Variants in KLHL20 observed in about 807,000 individuals in gnomAD.
KLHL20 encodes the protein kelch-like protein 20.
In KLHL20, 29 loss-of-function variants were observed where a neutral mutation model predicts 69.5. The ratio of observed to expected loss-of-function variants is 0.42; its 90% CI spans 0.31 to 0.57. The LOEUF is 0.57. Ranked by LOEUF, KLHL20 falls within the 20% of genes least tolerant of loss-of-function variation. The pLI is 0.18. For synonymous variants in KLHL20, 253 were observed against 265.2 expected, an observed-to-expected ratio of 0.95 and a Z score of 0.45; for missense variants, 419 against 776.0, an observed-to-expected ratio of 0.54 and a Z score of 5.47.
chr1:173,720,705 A>T (rs991840987), intron 2 of KLHL20, among the ~76,000 whole-genome samples: 1 of 152,184 alleles, frequency 6.6e-6, no homozygotes, highest in South Asian at 2.1e-4. Flanking sequence ...GAGAGCTTGT[A>T]TAATAGTAAA....
At chr1:173,777,704 G>A (rs777376917) in intron 10 of KLHL20, among the ~76,000 whole-genome samples, 12 of 152,190 alleles carry the variant, frequency 7.9e-5, no homozygotes, top group Non-Finnish European at 1.6e-4. Context: ...TTGATATGAT[G>A]TACCACACTG....
At chr1:173,730,203 C>T (rs1232662406) in intron 2 of KLHL20, among the ~76,000 whole-genome samples, 1 of 152,050 alleles carries the variant, frequency 6.6e-6, no homozygotes, top group Non-Finnish European at 1.5e-5. Context: ...CAAACCACTG[C>T]TCAATGAAAT....
chr1:173,766,343 T>G (rs1200456062), intron 8 of KLHL20, 54 bp downstream of exon 8: 3 of 1,465,398 alleles, frequency 2.0e-6, no homozygotes, highest in Non-Finnish European at 2.7e-6. Context: ...AACATAGAGC[T>G]CTTTAAAAGA....
In KLHL20 at chr1:173,767,595, A is replaced by G. The variant is rs552079877; in HGVS notation, c.1295+1306A>G. ...TAGTAGCCATTCTAACAGGTGTGAC[A>G]TGGTATTTCATTGTGATTTTAATTT... On this transcript the variant is annotated intron_variant, in intron 8 of 11. Coordinates refer to ENST00000209884, the MANE Select transcript of KLHL20 (RefSeq NM_014458.4). 2.0e-3 allele frequency among the ~76,000 whole-genome samples: 298 copies of G among 152,218 alleles called. 1 individual carries two copies. Among genetic ancestry groups the G allele is most frequent in the African/African-American group, 6.7e-3 (278 of 41,534 alleles).
At chr1:173,767,985 G>A (rs1306113877) in intron 8 of KLHL20, among the ~76,000 whole-genome samples, 1 of 152,076 alleles carries the variant, frequency 6.6e-6, no homozygotes, top group East Asian at 1.9e-4. Flanking sequence ...ACATTGAAAT[G>A]TTAGAAATGT....
intron 2 of KLHL20, among the ~76,000 whole-genome samples, chr1:173,726,194 G>C (rs1205295476): frequency 6.6e-6 from 1 of 152,164 alleles, no homozygotes; most frequent in African/African-American, 2.4e-5. Flanking sequence ...CAGCGAGGCT[G>C]GGGGAGGGGC....
At chr1:173,726,474 A>G (rs561833234) in intron 2 of KLHL20, among the ~76,000 whole-genome samples, 7 of 152,322 alleles carry the variant, frequency 4.6e-5, no homozygotes, top group Non-Finnish European at 1.0e-4. Flanking sequence ...CTGACCCCCA[A>G]GTAGCTTAAC....
chr1:173,779,716 C>G (rs1648728711), intron 10 of KLHL20, among the ~76,000 whole-genome samples: 2 of 152,116 alleles, frequency 1.3e-5, no homozygotes, highest in Admixed American at 1.3e-4. Context: ...ACTACCTTAT[C>G]TAAATTAATA....
chr1:173,716,348 T>C (rs1671470771), intron 2 of KLHL20, among the ~76,000 whole-genome samples: 1 of 152,184 alleles, frequency 6.6e-6, no homozygotes, highest in Admixed American at 6.5e-5. Flanking sequence ...TTCATTATGA[T>C]ACTATATGGA....
At chr1:173,776,096 G>A (rs1406593305) in intron 10 of KLHL20, among the ~76,000 whole-genome samples, 1 of 152,142 alleles carries the variant, frequency 6.6e-6, no homozygotes, top group African/African-American at 2.4e-5. Flanking sequence ...ATCAGCAATC[G>A]TTATGGCCTG....
intron 2 of KLHL20, among the ~76,000 whole-genome samples, chr1:173,726,035 G>A (rs2102459185): frequency 6.6e-6 from 1 of 152,244 alleles, no homozygotes; most frequent in Admixed American, 6.5e-5. Context: ...GGAAAATCGG[G>A]TCACTCCTAC....
chr1:173,730,890 A>C (rs1298686143), intron 2 of KLHL20, among the ~76,000 whole-genome samples: 2 of 152,204 alleles, frequency 1.3e-5, no homozygotes, highest in Non-Finnish European at 2.9e-5. Context: ...TAAACTAAAG[A>C]GCTTCTGCAC....
At chr1:173,734,423 C>T (rs1672431560) in intron 3 of KLHL20, 137 bp downstream of exon 3, 1 of 779,730 alleles carries the variant, frequency 1.3e-6, no homozygotes, top group South Asian at 1.7e-5. Flanking sequence ...ATTATAAATC[C>T]TAAACCTGGC....
intron 5 of KLHL20, among the ~76,000 whole-genome samples, chr1:173,754,992 C>T (rs1479870693): frequency 6.6e-6 from 1 of 151,346 alleles, no homozygotes; most frequent in Non-Finnish European, 1.5e-5. Context: ...AATATTATAG[C>T]TCTATAGTAT....
intron 7 of KLHL20, among the ~76,000 whole-genome samples, chr1:173,762,950 A>G (rs1440668991): frequency 6.6e-6 from 1 of 152,210 alleles, no homozygotes; most frequent in African/African-American, 2.4e-5. Flanking sequence ...CTGTTTGCTG[A>G]TGATATGATT....
At chr1:173,722,466 T>C (rs1308217916) in intron 2 of KLHL20, among the ~76,000 whole-genome samples, 1 of 151,684 alleles carries the variant, frequency 6.6e-6, no homozygotes, top group African/African-American at 2.4e-5. Flanking sequence ...TACCAAAAAA[T>C]TAAAATTAAG....
intron 9 of KLHL20, 45 bp downstream of exon 9, chr1:173,774,483 T>G: frequency 6.2e-7 from 1 of 1,609,468 alleles, no homozygotes. Context: ...AAGCAGAACA[T>G]TTTCCTGGAG....
At position 173,785,383 on chromosome 1, in the gene KLHL20, A is replaced by G. The variant is rs1363551751; in HGVS notation, c.*136A>G. ...CCTCAACAAATGGAAATACAATCCAATGAAAGTACTTCACCTGCAAGATGC... is the reference window on the plus strand; with the variant it reads ...CCTCAACAAATGGAAATACAATCCAGTGAAAGTACTTCACCTGCAAGATGC... On this transcript the variant is annotated 3_prime_UTR_variant, in exon 12 of 12. Coordinates refer to ENST00000209884, the MANE Select transcript of KLHL20 (RefSeq NM_014458.4). 5 of 449,626 alleles carry G rather than the reference A, an allele frequency of 1.1e-5. No homozygotes were observed. The highest frequency in any genetic ancestry group is 2.1e-5 in the African/African-American group (1 of 48,656). 27.9% of individuals were successfully genotyped at this position (449,626 alleles called of 1,614,324 possible).
At chr1:173,732,012 T>G (rs1260567833) in intron 2 of KLHL20, among the ~76,000 whole-genome samples, 2 of 151,678 alleles carry the variant, frequency 1.3e-5, no homozygotes, top group African/African-American at 4.8e-5. Flanking sequence ...CCTGGCTAAC[T>G]CGGTGAAACC....
Sources: gnomAD v4.1 joint callset for allele counts (sites outside exome capture counted in the v4.1 genomes callset) on GRCh38, gnomAD v4.1.1 for gene constraint, MANE v1.5 for transcripts, NCBI Gene and HGNC (gene_info 2026-07-23, HGNC 2026-07-21) for gene names.